The following ACAD10 variants were observed in gnomAD, a reference collection of about 807,000 sequenced individuals.
The protein encoded by ACAD10 is acyl-CoA dehydrogenase family member 10.
A neutral mutation model predicts 116.8 loss-of-function variants in ACAD10; 112 were observed. That is an observed-to-expected ratio of 0.96 (90% CI 0.82 to 1.12). The LOEUF is 1.12. Among genes scored for constraint, ACAD10 ranks in the 50% most tolerant of loss-of-function variants. The pLI, the probability that ACAD10 is intolerant of heterozygous loss-of-function variation, is 0.00. For synonymous variants in ACAD10, 486 were observed against 510.6 expected (o/e 0.95, Z 0.65); for missense variants, 1,259 against 1,350.2 (o/e 0.93, Z 1.06).
intron 3 of ACAD10, among the ~76,000 whole-genome samples, chr12:111,703,429 A>G (rs642898): frequency 0.46 from 69,902 of 152,072 alleles, 20,536 homozygotes; most frequent in East Asian, 0.94. Context: ...TCATGTAACC[A>G]CAATAGCTCT....
rs528534506 is a variant in ACAD10 at position 111,723,065 on chromosome 12, G to A, written c.1061+1326G>A. 9.0e-3 allele frequency among the ~76,000 whole-genome samples: 1,308 copies of A among 145,460 alleles called. 43 individuals are homozygous for A. Among genetic ancestry groups the A allele is most frequent in the African/African-American group, 0.032 (1,215 of 38,280 alleles). On this transcript the variant is annotated intron_variant, in intron 8 of 20. Coordinates refer to ENST00000313698, the MANE Select transcript of ACAD10 (RefSeq NM_025247.6). ...GACGGGGCGGCTGGCCGGGCAGAGG[G>A]GCTCCTCACTTCCCAGTAGGGGCGG...
At chr12:111,699,774 G>C (rs377149178) in intron 2 of ACAD10, among the ~76,000 whole-genome samples, 10 of 151,788 alleles carry the variant, frequency 6.6e-5, no homozygotes, top group African/African-American at 1.9e-4. Flanking sequence ...AAAAAAATTA[G>C]CTGGGCATGG....
intron 5 of ACAD10, chr12:111,710,494 G>T: frequency 4.3e-6 from 1 of 233,486 alleles, no homozygotes; most frequent in Non-Finnish European, 8.7e-6. Flanking sequence ...AGGGTATTGT[G>T]AAATTTTTTT....
intron 8 of ACAD10, among the ~76,000 whole-genome samples, chr12:111,722,369 C>CTATTTATTTATT (rs200521229): frequency 3.8e-4 from 57 of 150,642 alleles, no homozygotes; most frequent in African/African-American, 1.3e-3. Context: ...CGGCCCTAAA[C>CTATTTATTTATT]TATTTATTTA....
chr12:111,709,547 G>A lies in ACAD10; in HGVS notation c.553G>A (p.Gly185Arg), dbSNP rs1888608735. ...FDVIVESCMEGICKPDPRIYK... is the reference protein window; with the variant it reads ...FDVIVESCMERICKPDPRIYK... ...TCAGATTGTGGAGTCCTGCATGGAAGGGATCTGTAAGCCAGACCCTAGGAT... is the reference window on the plus strand; with the variant it reads ...TCAGATTGTGGAGTCCTGCATGGAAAGGATCTGTAAGCCAGACCCTAGGAT... The change falls in exon 5 of 21, where the codon GGG becomes AGG. Residue 185 changes from glycine (G) to arginine (R), a missense_variant. Physicochemically the swap from Gly to Arg is moderately radical, Grantham distance 125. Coordinates refer to ENST00000313698, the MANE Select transcript of ACAD10 (RefSeq NM_025247.6). 1 of 1,605,898 alleles carries A rather than the reference G, an allele frequency of 6.2e-7. No individual in the cohort carries two copies. The highest frequency in any genetic ancestry group is 8.5e-7 in the Non-Finnish European group (1 of 1,177,374).
intron 8 of ACAD10, among the ~76,000 whole-genome samples, chr12:111,724,372 G>A (rs1889149859): frequency 6.6e-6 from 1 of 152,150 alleles, no homozygotes; most frequent in Admixed American, 6.5e-5. Context: ...GGGCAGCCAG[G>A]CAGAGACACT....
In ACAD10 at chr12:111,736,841, CTG is replaced by C; in HGVS notation, c.1554_1555del (p.Cys518Ter). The C allele has an allele frequency of 6.2e-7, 1 of 1,613,570 alleles. No homozygotes were observed. Among genetic ancestry groups the C allele is most frequent in the Non-Finnish European group, 8.5e-7 (1 of 1,179,720 alleles). ...CTGTCTTTCTCGCAGGTATTAATGA[CTG>C]TGACTTGACACAGCTGGGAATCCCT... ...SFPVLRGIND[C>X]DLTQLGIPAA... On this transcript the variant is annotated frameshift_variant, in exon 12 of 21. Coordinates refer to ENST00000313698, the MANE Select transcript of ACAD10 (RefSeq NM_025247.6). LOFTEE classifies it high-confidence loss of function.
chr12:111,689,994 C>T (rs1026612821), intron 1 of ACAD10, among the ~76,000 whole-genome samples: 11 of 152,204 alleles, frequency 7.2e-5, no homozygotes, highest in Non-Finnish European at 1.5e-4. Context: ...GGATTACAGG[C>T]GTGAGCCACT....
Position 111,712,776 on chromosome 12 carries a change from A to G in ACAD10, c.850+119A>G, listed in dbSNP as rs553381882. On this transcript the variant is annotated intron_variant, in intron 6 of 20. Coordinates refer to ENST00000313698, the MANE Select transcript of ACAD10 (RefSeq NM_025247.6). ...ACAAAGAAGCTTTACAGTGAGGAAAATAGCCATTGGGCCTGGTGCATCGGA... is the reference window on the plus strand; with the variant it reads ...ACAAAGAAGCTTTACAGTGAGGAAAGTAGCCATTGGGCCTGGTGCATCGGA... 5 of 1,166,250 alleles carry G rather than the reference A, an allele frequency of 4.3e-6. No individual in the cohort carries two copies. The African/African-American group carries it at 7.7e-5, about 18-fold the overall frequency. 72.2% of individuals were successfully genotyped at this position (1,166,250 alleles called of 1,614,324 possible).
chr12:111,697,080 C>CAAA (rs5800932), intron 2 of ACAD10, among the ~76,000 whole-genome samples: 37 of 123,900 alleles, frequency 3.0e-4, no homozygotes, highest in East Asian at 6.8e-4. Flanking sequence ...GACTCCGTCT[C>CAAA]AAAAAAAAAA....
At chr12:111,755,858 C>G (rs767498725) in intron 20 of ACAD10, 113 bp downstream of exon 20, 2 of 1,068,084 alleles carry the variant, frequency 1.9e-6, no homozygotes, top group East Asian at 4.8e-5. Flanking sequence ...CTGTGTCACC[C>G]ACTCACCATG....
chr12:111,701,851 C>T (rs954565370), intron 2 of ACAD10, among the ~76,000 whole-genome samples: 1 of 152,096 alleles, frequency 6.6e-6, no homozygotes, highest in Non-Finnish European at 1.5e-5. Context: ...AGGTAAGTGA[C>T]CTAACATATG....
chr12:111,690,033 A>G (rs935416515), intron 1 of ACAD10, among the ~76,000 whole-genome samples: 2 of 152,182 alleles, frequency 1.3e-5, no homozygotes, highest in Non-Finnish European at 2.9e-5. Context: ...AATATTTTCT[A>G]TTGTAGTTGG....
chr12:111,756,431 C>G lies in ACAD10; in HGVS notation c.3138C>G (p.His1046Gln). 1 of 1,612,648 alleles carries G rather than the reference C, an allele frequency of 6.2e-7. No individual in the cohort carries two copies. Among genetic ancestry groups the G allele is most frequent in the Non-Finnish European group, 8.5e-7 (1 of 1,179,850 alleles). ...LRFADGPDEV[H>Q]RATVAKLELK... ...TTGCCGACGGCCCTGACGAGGTGCA[C>G]CGGGCCACGGTGGCCAAGCTAGAGC... Residue 1046 changes from histidine (H) to glutamine (Q), a missense_variant, in exon 21 of 21, where the codon CAC (histidine) becomes CAG (glutamine). By Grantham distance (24) the His-to-Gln change is conservative. Transcript: ENST00000313698.
At chr12:111,721,578 A>T (rs905045813) in intron 7 of ACAD10, 93 bp from the exon 8 acceptor site, 8 of 1,238,998 alleles carry the variant, frequency 6.5e-6, no homozygotes, top group African/African-American at 3.0e-5. Context: ...AAAAAACAAA[A>T]CAAACAAACA....
chr12:111,700,035 T>C (rs937927953), intron 2 of ACAD10, among the ~76,000 whole-genome samples: 3 of 152,178 alleles, frequency 2.0e-5, no homozygotes, highest in African/African-American at 7.2e-5. Context: ...ACAAGTGTGG[T>C]TGTGTTCCAA....
intron 7 of ACAD10, among the ~76,000 whole-genome samples, chr12:111,718,630 C>T (rs1888920454): frequency 6.6e-6 from 1 of 152,040 alleles, no homozygotes. Flanking sequence ...CAGGCATGCG[C>T]CACCATACCC....
chr12:111,692,931 A>G (rs765169831), intron 2 of ACAD10, 35 bp downstream of exon 2: 2 of 1,604,362 alleles, frequency 1.2e-6, no homozygotes, highest in South Asian at 2.2e-5. Context: ...TTGTGGGACT[A>G]GAGTGGTGGT....
intron 2 of ACAD10, among the ~76,000 whole-genome samples, chr12:111,694,984 C>T (rs865795773): frequency 3.3e-5 from 5 of 152,156 alleles, no homozygotes; most frequent in Non-Finnish European, 5.9e-5. Flanking sequence ...GCTGAGATTG[C>T]ACCACTGCAC....
Sources: gnomAD v4.1 joint callset for allele counts (sites outside exome capture counted in the v4.1 genomes callset) on GRCh38, gnomAD v4.1.1 for gene constraint, MANE v1.5 for transcripts, NCBI Gene and HGNC (gene_info 2026-07-23, HGNC 2026-07-21) for gene names.